UBR4: variants seen among roughly 807,000 people sequenced by gnomAD.
The protein encoded by UBR4 is E3 ubiquitin-protein ligase UBR4.
UBR4 carries 124 observed loss-of-function variants against 575.6 expected under a neutral mutation model. The observed-to-expected ratio is 0.22, with a 90% CI of 0.19 to 0.25. The LOEUF (loss-of-function observed/expected upper bound fraction) is 0.25. Among genes scored for constraint, UBR4 ranks in the 10% least tolerant of loss-of-function variants. UBR4 has a pLI of 1.00. For synonymous variants in UBR4, 2,455 were observed against 2,473.7 expected, an observed-to-expected ratio of 0.99 and a Z score of 0.22; for missense variants, 4,818 against 6,478.8, an observed-to-expected ratio of 0.74 and a Z score of 8.80.
chr1:19,132,513 C>A (rs2082605292), intron 60 of UBR4, among the ~76,000 whole-genome samples: 2 of 138,710 alleles, frequency 1.4e-5, no homozygotes, highest in African/African-American at 2.7e-5. Context: ...GTTTAAAATA[C>A]ATATGATTAA....
rs2089431327 is a variant in UBR4, at chr1:19,170,897, AG to A, written c.3522-15del. The A allele has an allele frequency of 4.3e-6, 7 of 1,613,024 alleles. No individual in the cohort carries two copies. Among genetic ancestry groups the A allele is most frequent in the South Asian group, 1.1e-5 (1 of 91,066 alleles). ...AGCAAATAGGCTCTGGGGAAAAAAC[AG>A]GGGGAAAGTGAAGCCATAAGATTCT... On this transcript the variant is annotated splice_polypyrimidine_tract_variant and intron_variant, in intron 25 of 105. Coordinates refer to ENST00000375254, the MANE Select transcript of UBR4 (RefSeq NM_020765.3).
At chr1:19,096,460 T>C in intron 92 of UBR4, 63 bp downstream of exon 92, 1 of 1,572,912 alleles carries the variant, frequency 6.4e-7, no homozygotes, top group South Asian at 1.2e-5. Context: ...CATAGCTTCT[T>C]TCCACAGGGG....
Position 19,146,909 on chromosome 1 carries a change from A to G in UBR4, c.7721T>C (p.Val2574Ala). ...DLDPEVFQRL[V>A]ITARSIAIMR... ...GATGGCAATGGAGCGAGCTGTGATC[A>G]CTAGCCTCTGGAACACCTCAGGGTC... The change falls in exon 52 of 106, where the codon GTG becomes GCG. Residue 2574 changes from valine (V) to alanine (A), a missense_variant. Physicochemically the swap from Val to Ala is moderately conservative, Grantham distance 64. This residue lies in a region of UBR4 where 340 missense variants were observed against 375.4 expected (regional missense o/e 0.91). Coordinates refer to ENST00000375254, the MANE Select transcript of UBR4 (RefSeq NM_020765.3). The G allele has an allele frequency of 6.2e-7, 1 of 1,614,212 alleles. No individual in the cohort carries two copies. The highest frequency in any genetic ancestry group is 8.5e-7 in the Non-Finnish European group (1 of 1,180,008).
chr1:19,135,075 T>G (rs1482863142), intron 60 of UBR4, among the ~76,000 whole-genome samples: 2 of 152,248 alleles, frequency 1.3e-5, no homozygotes, highest in Non-Finnish European at 2.9e-5. Context: ...TATTTACATC[T>G]ATAATTCAAC....
At position 19,193,571 on chromosome 1, in the gene UBR4, T is replaced by G; in HGVS notation, c.1019-14A>C. On this transcript the variant is annotated splice_polypyrimidine_tract_variant and intron_variant, in intron 8 of 105. Transcript: ENST00000375254. ...CCACACTCACACCTGAAAAAGAAGA[T>G]GCACAGGTCTCAGCCATGGAGTGCA... The G allele has an allele frequency of 6.2e-7, 1 of 1,611,710 alleles. No homozygotes were observed. Among genetic ancestry groups the G allele is most frequent in the Non-Finnish European group, 8.5e-7 (1 of 1,178,574 alleles).
chr1:19,187,279 G>C lies in UBR4; in HGVS notation c.1517C>G (p.Pro506Arg). Residue 506 changes from proline to arginine, a missense_variant, in exon 13 of 106, where the codon CCT (proline) becomes CGT (arginine). By Grantham distance (103) the Pro-to-Arg change is moderately radical. Transcript: ENST00000375254. ...LHKGWETDGP[P>R]AALSIMAQST... ...CTGGGCCATAATGCTCAAGGCTGCAGGGGGGCCATCTGTCTCCCAACCCTG... is the reference window on the plus strand; with the variant it reads ...CTGGGCCATAATGCTCAAGGCTGCACGGGGGCCATCTGTCTCCCAACCCTG... 6.2e-7 allele frequency: 1 copy of C among 1,613,666 alleles called. No individual in the cohort carries two copies. The highest frequency in any genetic ancestry group is 8.5e-7 in the Non-Finnish European group (1 of 1,179,732).
intron 73 of UBR4, 133 bp from the exon 74 acceptor site, chr1:19,115,770 G>A (rs1270430885): frequency 1.4e-6 from 2 of 1,389,598 alleles, no homozygotes; most frequent in East Asian, 4.7e-5. Flanking sequence ...AAAGAAATCT[G>A]GCATATAATA....
At chr1:19,208,559 G>C (rs1038184327) in intron 1 of UBR4, among the ~76,000 whole-genome samples, 2 of 149,476 alleles carry the variant, frequency 1.3e-5, no homozygotes, top group African/African-American at 4.9e-5. Flanking sequence ...AAGCCATAAA[G>C]AGAGATCTTA....
chr1:19,159,129 G>C (rs563001876), intron 39 of UBR4, among the ~76,000 whole-genome samples: 1 of 152,292 alleles, frequency 6.6e-6, no homozygotes, highest in South Asian at 2.1e-4. Context: ...CTAGGTGACA[G>C]AGCAAGACTC....
chr1:19,105,609 T>G lies in UBR4; in HGVS notation c.12503+124A>C, dbSNP rs1570531965. 1.2e-5 allele frequency: 9 copies of G among 732,636 alleles called. No individual in the cohort carries two copies. The East Asian group carries it at 2.7e-4, about 22-fold the overall frequency. 45.4% of individuals were successfully genotyped at this position (732,636 alleles called of 1,614,324 possible). On this transcript the variant is annotated intron_variant, in intron 84 of 105. Transcript: ENST00000375254. ...AAAAGTCAGCTTTTTAACACTTTGT[T>G]GTTTCTGGGGTCTTCTACCCAGAGG... is the stretch of plus-strand genomic sequence containing the variant.
chr1:19,078,239 C>A, intron 103 of UBR4, 173 bp from the exon 104 acceptor site: 1 of 597,364 alleles, frequency 1.7e-6, no homozygotes, highest in South Asian at 2.0e-5. Context: ...CCTCTGGAGC[C>A]CTGGGACCCA....
At position 19,161,031 on chromosome 1, in the gene UBR4, T is replaced by C; in HGVS notation, c.5292A>G (p.Pro1764=). The C allele has an allele frequency of 6.2e-7, 1 of 1,614,180 alleles. No individual in the cohort carries two copies. Among genetic ancestry groups the C allele is most frequent in the Non-Finnish European group, 8.5e-7 (1 of 1,180,018 alleles). ...TGATGGTAACCTTGGCTTTGTCAGC[T>C]GGCGAGGAGGTGCTGGCATGACGCA... The part of the protein sequence containing the change: ...SLVRHASTSS[P]ADKAKVTISD... Residue 1764 remains proline (P), a synonymous_variant, in exon 38 of 106, where the codon CCA becomes CCG. Transcript: ENST00000375254.
intron 28 of UBR4, 33 bp downstream of exon 28, chr1:19,167,994 T>C (rs1233440255): frequency 3.8e-6 from 6 of 1,577,444 alleles, no homozygotes; most frequent in Non-Finnish European, 5.2e-6. Flanking sequence ...AATACAGACA[T>C]AGAGTCCTTG....
intron 30 of UBR4, 79 bp downstream of exon 30, chr1:19,165,577 C>A (rs2088202535): frequency 1.4e-6 from 2 of 1,437,630 alleles, no homozygotes; most frequent in East Asian, 2.3e-5. Flanking sequence ...ATAATAAGTA[C>A]CTAAATCAAC....
intron 66 of UBR4, 75 bp downstream of exon 66, chr1:19,122,758 T>C (rs2081315689): frequency 6.6e-7 from 1 of 1,517,940 alleles, no homozygotes; most frequent in Non-Finnish European, 9.1e-7. Flanking sequence ...CATTATTACC[T>C]CCAGCCCTAT....
intron 104 of UBR4, 149 bp from the exon 105 acceptor site, chr1:19,077,051 T>G: frequency 1.3e-6 from 1 of 786,090 alleles, no homozygotes; most frequent in East Asian, 2.9e-5. Context: ...GAGCGTGCGT[T>G]TTGTCTCCAG....
intron 19 of UBR4, 140 bp from the exon 20 acceptor site, chr1:19,176,867 G>T: frequency 9.7e-7 from 1 of 1,031,214 alleles, no homozygotes. Context: ...CTGTTTTATT[G>T]GGCACCATTC....
intron 98 of UBR4, 64 bp from the exon 99 acceptor site, chr1:19,087,993 G>C: frequency 7.5e-7 from 1 of 1,332,192 alleles, no homozygotes; most frequent in Non-Finnish European, 1.1e-6. Flanking sequence ...CCCTAGCTTG[G>C]AGATGCTCAG....
intron 60 of UBR4, 120 bp downstream of exon 60, chr1:19,137,887 T>C (rs2083378812): frequency 8.9e-7 from 1 of 1,128,150 alleles, no homozygotes; most frequent in Non-Finnish European, 1.2e-6. Context: ...TTTACACCTT[T>C]ATATTTCAAA....
Sources: gnomAD v4.1 joint callset for allele counts (sites outside exome capture counted in the v4.1 genomes callset) on GRCh38, gnomAD v4.1.1 for gene constraint, gnomAD v4.1.1 regional missense constraint, MANE v1.5 for transcripts, NCBI Gene and HGNC (gene_info 2026-07-23, HGNC 2026-07-21) for gene names.